ANKRD12: variants seen among roughly 807,000 people sequenced by gnomAD.
ANKRD12 encodes ankyrin repeat domain-containing protein 12.
ANKRD12 carries 85 observed loss-of-function variants against 183.4 expected under a neutral mutation model. The observed-to-expected ratio is 0.46, with a 90% confidence interval of 0.39 to 0.56. The LOEUF (loss-of-function observed/expected upper bound fraction) is 0.56, where lower values mean the gene tolerates loss of function less well. ANKRD12 is among the 20% of genes least tolerant of loss of function. ANKRD12 has a pLI of 0.00. For synonymous variants in ANKRD12, 914 were observed against 800.2 expected (o/e 1.14, Z -2.40); for missense variants, 2,405 against 2,357.1 (o/e 1.02, Z -0.42).
chr18:9,143,769 C>T (rs2078400975), intron 1 of ANKRD12, among the ~76,000 whole-genome samples: 1 of 152,136 alleles, frequency 6.6e-6, no homozygotes, highest in Admixed American at 6.5e-5. Flanking sequence ...GGAGCATTCT[C>T]TTTAAGCTGC....
intron 4 of ANKRD12, among the ~76,000 whole-genome samples, chr18:9,208,186 G>C (rs1318304509): frequency 6.6e-6 from 1 of 152,128 alleles, no homozygotes; most frequent in Non-Finnish European, 1.5e-5. Flanking sequence ...TGTGTGATAA[G>C]ACTTGTCTTA....
intron 5 of ANKRD12, among the ~76,000 whole-genome samples, chr18:9,210,301 C>G (rs2035719133): frequency 6.6e-6 from 1 of 151,874 alleles, no homozygotes; most frequent in African/African-American, 2.4e-5. Context: ...TCTTGAATAC[C>G]GCTGTGGTAT....
rs1054155145 is a variant in ANKRD12 at position 9,263,774 on chromosome 18, A to G, written c.5665-16A>G. Reference sequence around the variant, plus strand: ...TAAAACCTAATATTTTAAACTATATATATCTTTTTAATTAGATTACACCAC... The same window carrying G: ...TAAAACCTAATATTTTAAACTATATGTATCTTTTTAATTAGATTACACCAC... On this transcript the variant is annotated splice_polypyrimidine_tract_variant and intron_variant, in intron 9 of 12. Transcript: ENST00000262126. 4 of 1,519,330 alleles carry G rather than the reference A, an allele frequency of 2.6e-6. No homozygotes were observed. Among genetic ancestry groups the G allele is most frequent in the Admixed American group, 2.1e-5 (1 of 47,904 alleles). The allele number at this position is 1,519,330 out of a possible 1,614,324, so 94.1% of individuals were successfully genotyped here. A position where few individuals can be genotyped will look rare whatever the true frequency, so the allele number is the denominator to read the frequency against.
intron 1 of ANKRD12, among the ~76,000 whole-genome samples, chr18:9,172,606 G>A (rs1287927082): frequency 2.0e-5 from 3 of 152,112 alleles, no homozygotes; most frequent in Non-Finnish European, 4.4e-5. Flanking sequence ...TGGCTATACT[G>A]CTTAGAAGCT....
rs138574671 is a variant in ANKRD12 at position 9,195,609 on chromosome 18, G to T, written c.146G>T (p.Ser49Ile). The change falls in exon 3 of 13, where the codon AGC becomes ATC. Residue 49 changes from serine to isoleucine, a missense_variant. This residue lies in a region of ANKRD12 where 145 missense variants were observed against 145.6 expected (regional missense o/e 1.00). Transcript: ENST00000262126. ...CCAAAAATTGAACGAAGTGATGTGA[G>T]CAAGGAGATGAAAGAGAAATCATCC... ...KTPKIERSDV[S>I]KEMKEKSSMK... 7 of 1,612,622 alleles carry T rather than the reference G, an allele frequency of 4.3e-6. No individual in the cohort carries two copies. The African/African-American group carries it at 8.0e-5, about 18-fold the overall frequency.
intron 10 of ANKRD12, among the ~76,000 whole-genome samples, chr18:9,265,473 TCTGCTGTTCTGCAGTCTCCG>T (rs1332512574): frequency 3.3e-5 from 5 of 152,230 alleles, no homozygotes; most frequent in African/African-American, 1.2e-4. Context: ...TTCACCAATA[TCTGCTGTTCTGCAGTCTCCG>T]CTGCTGTTAC....
At chr18:9,230,872 TGG>T (rs1310633683) in intron 8 of ANKRD12, among the ~76,000 whole-genome samples, 1 of 152,106 alleles carries the variant, frequency 6.6e-6, no homozygotes, top group African/African-American at 2.4e-5. Context: ...TTCACCATGT[TGG>T]CCAGACTGGT....
intron 3 of ANKRD12, among the ~76,000 whole-genome samples, chr18:9,203,691 G>T (rs2035315518): frequency 6.6e-6 from 1 of 152,010 alleles, no homozygotes; most frequent in Non-Finnish European, 1.5e-5. Context: ...CGCAACCCCG[G>T]CCACCTGGGT....
rs1296895639 is a variant in ANKRD12, at chr18:9,255,944, G to T, written c.2677G>T (p.Ala893Ser). Residue 893 changes from alanine (A) to serine (S), a missense_variant, in exon 9 of 13, where the codon GCT becomes TCT. Coordinates refer to ENST00000262126, the MANE Select transcript of ANKRD12 (RefSeq NM_015208.5). The part of the protein sequence containing the change: ...KEGEKSKNTA[A>S]IKKTDDREKS... ...AGGTGAGAAGAGCAAAAATACTGCT[G>T]CTATTAAAAAAACTGACGACAGAGA... The T allele has an allele frequency of 1.6e-5, 25 of 1,581,418 alleles. No individual in the cohort carries two copies. Among genetic ancestry groups the T allele is most frequent in the African/African-American group, 2.8e-5 (2 of 72,484 alleles).
intron 11 of ANKRD12, among the ~76,000 whole-genome samples, chr18:9,276,395 G>T (rs1489154724): frequency 6.6e-6 from 1 of 152,088 alleles, no homozygotes; most frequent in Non-Finnish European, 1.5e-5. Flanking sequence ...AAAAAATCAA[G>T]ATTGAACTAG....
chr18:9,254,138 C>G lies in ANKRD12; in HGVS notation c.944-73C>G, dbSNP rs1054936945. On this transcript the variant is annotated intron_variant, in intron 8 of 12. Transcript: ENST00000262126. ...TATTGTATAAGCTATATCTTTTTCT[C>G]AGAAAAAAAAATTATTTTTCTGGCA... The G allele has an allele frequency of 5.6e-6, 8 of 1,431,994 alleles. No individual in the cohort carries two copies. In the Admixed American group the frequency reaches 1.6e-4, roughly 29 times the overall value. 88.7% of individuals were successfully genotyped at this position (1,431,994 alleles called of 1,614,324 possible).
chr18:9,142,107 C>G (rs1310589573), intron 1 of ANKRD12, among the ~76,000 whole-genome samples: 4 of 152,096 alleles, frequency 2.6e-5, no homozygotes, highest in Non-Finnish European at 5.9e-5. Flanking sequence ...CAATAGAACT[C>G]TATAGCTTCT....
intron 1 of ANKRD12, among the ~76,000 whole-genome samples, chr18:9,177,152 T>C (rs2033337286): frequency 6.6e-6 from 1 of 152,188 alleles, no homozygotes; most frequent in African/African-American, 2.4e-5. Flanking sequence ...ATTAATATAC[T>C]CTGTGCAGCC....
At chr18:9,221,224 G>A (rs990664165) in intron 7 of ANKRD12, among the ~76,000 whole-genome samples, 10 of 152,178 alleles carry the variant, frequency 6.6e-5, no homozygotes, top group African/African-American at 2.2e-4. Context: ...ACCTGGTTAT[G>A]TGGAACTTGA....
At chr18:9,235,400 T>G (rs2037286303) in intron 8 of ANKRD12, among the ~76,000 whole-genome samples, 1 of 152,188 alleles carries the variant, frequency 6.6e-6, no homozygotes, top group Non-Finnish European at 1.5e-5. Context: ...ACTGGATAAT[T>G]TCATCATAGG....
intron 8 of ANKRD12, among the ~76,000 whole-genome samples, chr18:9,238,398 C>G (rs1442963570): frequency 1.3e-5 from 2 of 152,186 alleles, no homozygotes; most frequent in Non-Finnish European, 2.9e-5. Flanking sequence ...TTCAAACTTA[C>G]ATATTTGGCT....
intron 8 of ANKRD12, among the ~76,000 whole-genome samples, chr18:9,238,021 C>CT (rs1283772460): frequency 1.3e-5 from 2 of 152,218 alleles, no homozygotes; most frequent in Non-Finnish European, 2.9e-5. Flanking sequence ...ATTGCACATG[C>CT]TGTCACTGCC....
At chr18:9,277,831 G>T (rs1344544489) in intron 11 of ANKRD12, among the ~76,000 whole-genome samples, 1 of 152,128 alleles carries the variant, frequency 6.6e-6, no homozygotes, top group African/African-American at 2.4e-5. Context: ...GTTAAAAAGA[G>T]AATTTAAAAA....
intron 8 of ANKRD12, among the ~76,000 whole-genome samples, chr18:9,231,433 C>G (rs1477150752): frequency 6.6e-6 from 1 of 151,958 alleles, no homozygotes; most frequent in East Asian, 1.9e-4. Flanking sequence ...GTGTTGGGTT[C>G]ATATATTATT....
Sources: gnomAD v4.1 joint callset for allele counts (sites outside exome capture counted in the v4.1 genomes callset) on GRCh38, gnomAD v4.1.1 for gene constraint, gnomAD v4.1.1 regional missense constraint, MANE v1.5 for transcripts, NCBI Gene and HGNC (gene_info 2026-07-23, HGNC 2026-07-21) for gene names.